Variants in CHCHD6 observed in about 807,000 individuals in gnomAD.
CHCHD6 encodes MICOS complex subunit MIC25.
In CHCHD6, 28 loss-of-function variants were observed where a neutral mutation model predicts 32.3. That is an observed-to-expected ratio of 0.87 (90% CI 0.64 to 1.19). CHCHD6 has a LOEUF of 1.19. Among genes scored for constraint, CHCHD6 ranks in the 50% most tolerant of loss-of-function variants. The probability of loss-of-function intolerance (pLI) is 0.00; values close to 1 mark genes in which losing one functional copy is unlikely to be tolerated. For synonymous variants in CHCHD6, 122 were observed against 117.5 expected, an observed-to-expected ratio of 1.04 and a Z score of -0.25; for missense variants, 333 against 307.0, an observed-to-expected ratio of 1.08 and a Z score of -0.63.
chr3:126,760,108 T>C (rs550811969), intron 4 of CHCHD6, among the ~76,000 whole-genome samples: 2 of 152,202 alleles, frequency 1.3e-5, no homozygotes, highest in Admixed American at 6.5e-5. Context: ...CCTAAACACC[T>C]CCCATCAGGC....
chr3:126,948,364 A>T lies in CHCHD6; in HGVS notation c.567-9052A>T, dbSNP rs116687977. On this transcript the variant is annotated intron_variant, in intron 6 of 7. Transcript: ENST00000290913. ...TGCTGGTGGTGCTGGCATCCTTGGC[A>T]TTCCGGGACACACATACTGTTGGGC... Among the ~76,000 whole-genome samples, 1,210 of 152,286 alleles carry T rather than the reference A, an allele frequency of 7.9e-3. 13 individuals carry two copies. The highest frequency in any genetic ancestry group is 0.011 in the Non-Finnish European group (744 of 68,018).
intron 4 of CHCHD6, among the ~76,000 whole-genome samples, chr3:126,840,489 T>C (rs1941029157): frequency 6.6e-6 from 1 of 152,166 alleles, no homozygotes; most frequent in Non-Finnish European, 1.5e-5. Flanking sequence ...AAGACAGGTG[T>C]AATGAAGGAA....
chr3:126,798,498 G>A (rs892195849), intron 4 of CHCHD6, among the ~76,000 whole-genome samples: 3 of 152,176 alleles, frequency 2.0e-5, no homozygotes, highest in Admixed American at 6.5e-5. Flanking sequence ...CAGTGGATAC[G>A]GTTTTCTTTT....
chr3:126,929,926 A>G (rs1202780370), intron 6 of CHCHD6, among the ~76,000 whole-genome samples: 2 of 152,222 alleles, frequency 1.3e-5, no homozygotes, highest in African/African-American at 4.8e-5. Flanking sequence ...ATTGATGAAA[A>G]TGTTAAGTTG....
At chr3:126,890,463 G>T (rs2077741536) in intron 5 of CHCHD6, among the ~76,000 whole-genome samples, 1 of 152,134 alleles carries the variant, frequency 6.6e-6, no homozygotes, top group Non-Finnish European at 1.5e-5. Flanking sequence ...AGTTCCATTA[G>T]ACCCACTGAT....
At chr3:126,754,612 T>TA (rs1936874774) in intron 4 of CHCHD6, among the ~76,000 whole-genome samples, 1 of 152,210 alleles carries the variant, frequency 6.6e-6, no homozygotes, top group Admixed American at 6.5e-5. Flanking sequence ...AGGCTGCCTC[T>TA]AACAGCTCGG....
chr3:126,726,246 G>A (rs905388120), intron 1 of CHCHD6, among the ~76,000 whole-genome samples: 1 of 152,324 alleles, frequency 6.6e-6, no homozygotes, highest in African/African-American at 2.4e-5. Context: ...GGATAGAAAG[G>A]CCCAAGGAGA....
At chr3:126,805,575 T>C (rs1245372781) in intron 4 of CHCHD6, among the ~76,000 whole-genome samples, 1 of 152,122 alleles carries the variant, frequency 6.6e-6, no homozygotes, top group East Asian at 1.9e-4. Context: ...TGGAAGAACA[T>C]TCCATGCTCA....
intron 1 of CHCHD6, among the ~76,000 whole-genome samples, chr3:126,712,346 C>T (rs761539107): frequency 9.2e-5 from 14 of 152,188 alleles, no homozygotes; most frequent in Non-Finnish European, 1.6e-4. Context: ...AAGTTATTTC[C>T]ACCTTCTGAC....
At chr3:126,950,856 T>A (rs900315527) in intron 6 of CHCHD6, among the ~76,000 whole-genome samples, 3 of 152,152 alleles carry the variant, frequency 2.0e-5, no homozygotes, top group Admixed American at 1.3e-4. Flanking sequence ...GGCAGCTGCA[T>A]AGAGCCATAC....
chr3:126,815,764 A>G (rs1384921314), intron 4 of CHCHD6, among the ~76,000 whole-genome samples: 1 of 151,862 alleles, frequency 6.6e-6, no homozygotes, highest in Non-Finnish European at 1.5e-5. Flanking sequence ...GAAGCATGCA[A>G]TGACTTTCCT....
chr3:126,770,856 A>G (rs1250239886), intron 4 of CHCHD6, among the ~76,000 whole-genome samples: 1 of 152,206 alleles, frequency 6.6e-6, no homozygotes, highest in East Asian at 1.9e-4. Context: ...TGAGTTGTGG[A>G]GAAGTCCCTC....
Position 126,719,490 on chromosome 3 carries a change from G to C in CHCHD6, c.88-7588G>C, listed in dbSNP as rs562608911. Among the ~76,000 whole-genome samples, 7 of 152,266 alleles carry C rather than the reference G, an allele frequency of 4.6e-5. No individual in the cohort carries two copies. The East Asian group carries it at 1.4e-3, about 29-fold the overall frequency. On this transcript the variant is annotated intron_variant, in intron 1 of 7. Coordinates refer to ENST00000290913, the MANE Select transcript of CHCHD6 (RefSeq NM_032343.3). ...CATTGGTTCTTCAGCATACATTTAA[G>C]CATTTCTGAAGTGGGGATGTTGTGT...
At chr3:126,735,599 C>G (rs1322991245) in intron 4 of CHCHD6, among the ~76,000 whole-genome samples, 1 of 152,124 alleles carries the variant, frequency 6.6e-6, no homozygotes, top group Admixed American at 6.5e-5. Flanking sequence ...GCAAGCTTAG[C>G]CAGCTTGCAC....
At chr3:126,749,605 G>A (rs1028740012) in intron 4 of CHCHD6, among the ~76,000 whole-genome samples, 2 of 152,134 alleles carry the variant, frequency 1.3e-5, no homozygotes, top group Non-Finnish European at 2.9e-5. Context: ...CTCTTTCATG[G>A]AACTGTCTAA....
chr3:126,878,656 T>G (rs1180469252), intron 5 of CHCHD6, among the ~76,000 whole-genome samples: 1 of 152,246 alleles, frequency 6.6e-6, no homozygotes, highest in Non-Finnish European at 1.5e-5. Context: ...TACCGTCACT[T>G]TTGCCACCTT....
At chr3:126,905,572 G>T (rs1235803653) in intron 5 of CHCHD6, among the ~76,000 whole-genome samples, 1 of 152,042 alleles carries the variant, frequency 6.6e-6, no homozygotes, top group African/African-American at 2.4e-5. Context: ...CAGGAAAGGG[G>T]AACCATGCAA....
rs1008341169 is a variant in CHCHD6 at position 126,773,024 on chromosome 3, T to C, written c.411+39802T>C. The stretch of plus-strand genomic sequence containing the variant: ...CTGGATATGAAATTCTTGGTTAGAC[T>C]TTTTTTTTTTCTTAAAGAATGCTGA... On this transcript the variant is annotated intron_variant, in intron 4 of 7. Transcript: ENST00000290913. Among the ~76,000 whole-genome samples the C allele has an allele frequency of 2.0e-5, 3 of 148,188 alleles. No homozygotes were observed. In the East Asian group the frequency reaches 5.9e-4, roughly 29 times the overall value.
chr3:126,943,405 G>A lies in CHCHD6; in HGVS notation c.567-14011G>A, dbSNP rs370299959. On this transcript the variant is annotated intron_variant, in intron 6 of 7. Transcript: ENST00000290913. ...GATGTGTCCACTTTCCCTCTGCCTC[G>A]TTTTGCCTCCTCACCTGGGGTCAGG... is the stretch of plus-strand genomic sequence containing the variant. 5.3e-5 allele frequency among the ~76,000 whole-genome samples: 8 copies of A among 152,294 alleles called. No individual in the cohort carries two copies. The South Asian group carries it at 6.2e-4, about 12-fold the overall frequency.
Sources: allele counts gnomAD v4.1 joint callset (sites outside exome capture counted in the v4.1 genomes callset), GRCh38; gene constraint gnomAD v4.1.1; transcripts MANE v1.5; gene names NCBI Gene and HGNC (gene_info 2026-07-23, HGNC 2026-07-21).